The following ANK3 variants were observed in gnomAD, a reference collection of about 807,000 sequenced individuals.
The protein encoded by ANK3 is ankyrin 3.
Under a neutral mutation model 370.9 loss-of-function variants are expected in ANK3, and 57 were observed. The observed-to-expected ratio is 0.15, with a 90% CI of 0.12 to 0.19. ANK3 has a LOEUF of 0.19. Among genes scored for constraint, ANK3 ranks in the 10% least tolerant of loss-of-function variants. The pLI is 1.00. For missense variants in ANK3, 4,439 were observed against 5,302.1 expected (o/e 0.84, Z 5.06); for synonymous variants, 1,929 against 1,946.3 (o/e 0.99, Z 0.23).
In ANK3 at chr10:60,106,049, C is replaced by T. The variant is rs764672185; in HGVS notation, c.3184G>A (p.Val1062Met). 11 of 1,606,176 alleles carry T rather than the reference C, an allele frequency of 6.8e-6. No homozygotes were observed. Among genetic ancestry groups the T allele is most frequent in the Non-Finnish European group, 8.5e-6 (10 of 1,177,288 alleles). Residue 1062 changes from valine (V) to methionine (M), a missense_variant, in exon 28 of 44, where the codon GTG (valine) becomes ATG (methionine). Val to Met is a conservative substitution (Grantham distance 21, BLOSUM62 1). Coordinates refer to ENST00000280772, the MANE Select transcript of ANK3 (RefSeq NM_020987.5). ...ATGGACCCAAAGTGAGGGATTTCCA[C>T]TATGACAGGGCTGGAAAAAAAATCC... ...AGAQFLGPVI[V>M]EIPHFGSMRG...
intron 2 of ANK3, among the ~76,000 whole-genome samples, chr10:60,487,105 C>T (rs1023321137): frequency 6.6e-6 from 1 of 152,044 alleles, no homozygotes; most frequent in Non-Finnish European, 1.5e-5. Context: ...TTAAAAAGAA[C>T]CTAATTCTTG....
intron 1 of ANK3, among the ~76,000 whole-genome samples, chr10:60,620,360 T>A (rs559953406): frequency 5.4e-4 from 82 of 152,320 alleles, no homozygotes; most frequent in African/African-American, 1.9e-3. Context: ...TTAATCCTTG[T>A]ATCTGTCAGG....
At chr10:60,279,269 G>T in intron 2 of ANK3, 121 bp from the exon 3 acceptor site, 1 of 844,946 alleles carries the variant, frequency 1.2e-6, no homozygotes, top group South Asian at 1.5e-5. Context: ...TGTATGCTGT[G>T]CAGGAACTTG....
At position 60,068,907 on chromosome 10, in the gene ANK3, C is replaced by T. The variant is rs374607736; in HGVS notation, c.11974G>A (p.Val3992Ile). ...VKVRKSQLKE[V>I]CKHSIEYFKG... ...AAATATTCAATGGAATGTTTACATA[C>T]TTCCTTGAGCTGACTTTTCCTAACT... Residue 3992 changes from valine (V) to isoleucine (I), a missense_variant, in exon 37 of 44, where the codon GTA becomes ATA. Physicochemically the swap from Val to Ile is conservative, Grantham distance 29. Transcript: ENST00000280772. 1.2e-6 allele frequency: 2 copies of T among 1,614,126 alleles called. No individual in the cohort carries two copies. Among genetic ancestry groups the T allele is most frequent in the African/African-American group, 2.7e-5 (2 of 75,020 alleles).
rs143802202 is a variant in ANK3, at chr10:60,350,733, T to C, written c.114+38692A>G. 2.4e-3 allele frequency among the ~76,000 whole-genome samples: 367 copies of C among 152,200 alleles called. 2 individuals carry two copies. Among genetic ancestry groups the C allele is most frequent in the Middle Eastern group, 0.024 (7 of 294 alleles). ...AGGGGAAATACCACAGTGTGAGCAG[T>C]TTTTTAGGTCAGCCATCAAAAAGGA... On this transcript the variant is annotated intron_variant, in intron 1 of 43. Transcript: ENST00000280772.
At chr10:60,410,235 C>T (rs1382794433) in intron 2 of ANK3, among the ~76,000 whole-genome samples, 2 of 151,856 alleles carry the variant, frequency 1.3e-5, no homozygotes. Flanking sequence ...TTGAGACCAG[C>T]CTGGGCAACA....
chr10:60,671,785 C>T (rs984864385), intron 1 of ANK3, among the ~76,000 whole-genome samples: 5 of 152,216 alleles, frequency 3.3e-5, no homozygotes, highest in African/African-American at 1.2e-4. Flanking sequence ...TGAGGATGCT[C>T]AAGCAGCCCA....
At position 60,549,717 on chromosome 10, in the gene ANK3, C is replaced by A. The variant is rs549631672; in HGVS notation, c.96+65469G>T. On this transcript the variant is annotated intron_variant, in intron 2 of 43. Coordinates refer to the ANK3 transcript ENST00000373827. ...ATTATATGTTGAAATTGTTTTATAT[C>A]AAATCCAAATATGAATATCATAATT... 5.9e-5 allele frequency among the ~76,000 whole-genome samples: 9 copies of A among 152,136 alleles called. No homozygotes were observed. The East Asian group carries it at 1.7e-3, about 29-fold the overall frequency.
chr10:60,293,214 C>T (rs1181383375), intron 1 of ANK3, among the ~76,000 whole-genome samples: 1 of 152,190 alleles, frequency 6.6e-6, no homozygotes, highest in African/African-American at 2.4e-5. Context: ...AAACATCCCC[C>T]TCCTGGAGGG....
chr10:60,241,849 A>G (rs975234768), intron 7 of ANK3, among the ~76,000 whole-genome samples: 14 of 152,304 alleles, frequency 9.2e-5, no homozygotes, highest in African/African-American at 3.1e-4. Flanking sequence ...ATAAACAACA[A>G]AGGGAATCGG....
At chr10:60,285,569 T>C (rs1318841922) in intron 1 of ANK3, among the ~76,000 whole-genome samples, 1 of 152,122 alleles carries the variant, frequency 6.6e-6, no homozygotes, top group Non-Finnish European at 1.5e-5. Context: ...CTTCCTTCTG[T>C]GCCTCACTGC....
chr10:60,481,744 G>A (rs999635993), intron 2 of ANK3, among the ~76,000 whole-genome samples: 9 of 152,232 alleles, frequency 5.9e-5, no homozygotes, highest in South Asian at 2.1e-4. Context: ...GATTACAGGC[G>A]TGAGCCACTG....
At chr10:60,445,374 A>T (rs2064415141) in intron 2 of ANK3, among the ~76,000 whole-genome samples, 1 of 152,152 alleles carries the variant, frequency 6.6e-6, no homozygotes, top group Non-Finnish European at 1.5e-5. Context: ...TGGGCAAAAG[A>T]GCAAGACCCT....
intron 1 of ANK3, among the ~76,000 whole-genome samples, chr10:60,301,710 C>T (rs1210377667): frequency 6.6e-6 from 1 of 152,122 alleles, no homozygotes; most frequent in Non-Finnish European, 1.5e-5. Flanking sequence ...AGCCACTGTA[C>T]CCGGCCCAGA....
intron 1 of ANK3, among the ~76,000 whole-genome samples, chr10:60,363,255 G>A (rs557976315): frequency 1.3e-5 from 2 of 152,252 alleles, no homozygotes; most frequent in South Asian, 2.1e-4. Flanking sequence ...AGCATGGAAC[G>A]AAGGGAGCGA....
chr10:60,550,366 C>T (rs1432463782), intron 2 of ANK3, among the ~76,000 whole-genome samples: 3 of 151,610 alleles, frequency 2.0e-5, no homozygotes, highest in African/African-American at 7.3e-5. Context: ...TCCTTTAAAG[C>T]TTGATACAAA....
chr10:60,432,658 T>C (rs1025207091), intron 2 of ANK3, among the ~76,000 whole-genome samples: 1 of 152,146 alleles, frequency 6.6e-6, no homozygotes, highest in South Asian at 2.1e-4. Context: ...CGGAGTTGCA[T>C]TAGAAAAAGC....
chr10:60,473,379 T>A (rs1459093033), intron 2 of ANK3, among the ~76,000 whole-genome samples: 3 of 152,194 alleles, frequency 2.0e-5, no homozygotes, highest in Non-Finnish European at 4.4e-5. Context: ...ATAAATCTAT[T>A]TCCTAATGCT....
At chr10:60,701,408 GA>G (rs200538096) in intron 1 of ANK3, among the ~76,000 whole-genome samples, 2 of 142,600 alleles carry the variant, frequency 1.4e-5, no homozygotes, top group Non-Finnish European at 3.1e-5. Context: ...AGATACACTA[GA>G]AAAAAAAACA....
Sources: allele counts gnomAD v4.1 joint callset (sites outside exome capture counted in the v4.1 genomes callset), GRCh38; gene constraint gnomAD v4.1.1; transcripts MANE v1.5; gene names NCBI Gene and HGNC (gene_info 2026-07-23, HGNC 2026-07-21).